The following DHRS12 variants were observed in gnomAD, a reference collection of about 807,000 sequenced individuals.
DHRS12 encodes dehydrogenase/reductase SDR family member 12.
DHRS12 carries 29 observed loss-of-function variants against 32.1 expected under a neutral mutation model. The observed-to-expected ratio is 0.90, with a 90% CI of 0.67 to 1.23. The LOEUF is 1.23. DHRS12 is among the 50% of genes most tolerant of loss of function. The pLI, the probability that DHRS12 is intolerant of heterozygous loss-of-function variation, is 0.00. For synonymous variants in DHRS12, 150 were observed against 135.9 expected (o/e 1.10, Z -0.72); for missense variants, 330 against 337.2 (o/e 0.98, Z 0.17).
rs1953831392 is a variant in DHRS12, at chr13:51,768,084, T to C, written c.*103A>G. The C allele has an allele frequency of 1.1e-5, 17 of 1,493,238 alleles. No individual in the cohort carries two copies. The highest frequency in any genetic ancestry group is 1.7e-4 in the Middle Eastern group (1 of 5,742). The allele number at this position is 1,493,238 out of a possible 1,614,324, so 92.5% of individuals were successfully genotyped here. A position where few individuals can be genotyped will look rare whatever the true frequency, so the allele number is the denominator to read the frequency against. On this transcript the variant is annotated 3_prime_UTR_variant, in exon 9 of 9. Coordinates refer to ENST00000444610, the MANE Select transcript of DHRS12 (RefSeq NM_001377533.1). The stretch of plus-strand genomic sequence containing the variant: ...GGCCTCGCTGTGAGGCACAACGTCT[T>C]CGAGGGGAAGTTGAAGTGGGGTCTT...
intron 4 of DHRS12, chr13:51,777,399 T>A: frequency 2.2e-6 from 1 of 458,762 alleles, no homozygotes; most frequent in Non-Finnish European, 3.9e-6. Context: ...AAACCGTAGA[T>A]GGGTCCACTT....
chr13:51,768,321 G>A (rs1953845298), intron 8 of DHRS12, 25 bp from the exon 9 acceptor site: 5 of 1,535,274 alleles, frequency 3.3e-6, no homozygotes, highest in East Asian at 4.9e-5. Flanking sequence ...GAACCGCAGA[G>A]AGGTGTGAGC....
intron 1 of DHRS12, among the ~76,000 whole-genome samples, chr13:51,802,344 G>A (rs963890158): frequency 6.6e-6 from 1 of 152,198 alleles, no homozygotes; most frequent in Non-Finnish European, 1.5e-5. Context: ...CCTGCCTACT[G>A]ACTCAGAAGT....
In DHRS12 at chr13:51,799,537, G is replaced by A. The variant is rs373591025; in HGVS notation, c.123C>T (p.Ser41=). 9.3e-5 allele frequency: 150 copies of A among 1,613,224 alleles called. No individual in the cohort carries two copies. The highest frequency in any genetic ancestry group is 1.5e-4 in the Admixed American group (9 of 60,006). Residue 41 remains serine, a synonymous_variant, in exon 2 of 9, where the codon AGC becomes AGT. Transcript: ENST00000444610. Reference sequence around the variant, plus strand: ...ACACGTGTTAGCAGCTGCTTACCTCGCTTGGCGATTTCAAGGGCAGTTGCT... The same window carrying A: ...ACACGTGTTAGCAGCTGCTTACCTCACTTGGCGATTTCAAGGGCAGTTGCT... ...LAKQLPLKSP[S]ENIFLHIVDL...
the DHRS12 span, chr13:51,756,450 T>C: frequency 2.5e-6 from 4 of 1,613,912 alleles, no homozygotes; most frequent in Non-Finnish European, 3.4e-6. Flanking sequence ...CACGAGGCCA[T>C]CACAGATGAA....
chr13:51,771,934 G>A (rs778610796), intron 6 of DHRS12, 23 bp from the exon 7 acceptor site: 3 of 1,612,458 alleles, frequency 1.9e-6, no homozygotes, highest in Non-Finnish European at 2.5e-6. Context: ...GAGCGAGGGG[G>A]TGAACAGGAG....
chr13:51,758,550 CT>C, the DHRS12 span, among the ~76,000 whole-genome samples: 1 of 116,226 alleles, frequency 8.6e-6, no homozygotes, highest in Non-Finnish European at 1.7e-5. Context: ...GACCTCATCT[CT>C]TAAAAAAAAA....
At chr13:51,792,861 C>T (rs1385981247) in intron 2 of DHRS12, among the ~76,000 whole-genome samples, 2 of 151,446 alleles carry the variant, frequency 1.3e-5, no homozygotes, top group African/African-American at 2.4e-5. Context: ...ATGAATCCAC[C>T]CTATTCGTTT....
At chr13:51,801,000 T>G (rs1294744096) in intron 1 of DHRS12, among the ~76,000 whole-genome samples, 1 of 152,188 alleles carries the variant, frequency 6.6e-6, no homozygotes, top group African/African-American at 2.4e-5. Flanking sequence ...AACCTGGGTT[T>G]AAGTCACAGC....
chr13:51,788,535 G>A (rs1043126669), intron 4 of DHRS12, among the ~76,000 whole-genome samples: 52 of 152,070 alleles, frequency 3.4e-4, no homozygotes, highest in African/African-American at 1.2e-3. Flanking sequence ...CTGCCAGGGA[G>A]ATGGAGCACG....
At chr13:51,762,071 C>T in the DHRS12 span, 2 of 152,204 alleles carry the variant, frequency 1.3e-5, no homozygotes, top group African/African-American at 4.8e-5. Flanking sequence ...GCTGCAGCCA[C>T]TTACTAAGTT....
At chr13:51,765,867 CCTTTA>C (rs1245077768), downstream of DHRS12, 1 of 152,112 alleles carries the variant, frequency 6.6e-6, no homozygotes. Flanking sequence ...AAAATGTTTA[CCTTTA>C]CAAGTCAAGA....
the DHRS12 span, chr13:51,755,536 C>T: frequency 7.0e-7 from 1 of 1,421,836 alleles, no homozygotes; most frequent in Non-Finnish European, 9.9e-7. Flanking sequence ...AGAAATAACA[C>T]CCCTGGGTGG....
chr13:51,757,829 G>C, the DHRS12 span, among the ~76,000 whole-genome samples: 2 of 146,324 alleles, frequency 1.4e-5, no homozygotes, highest in Non-Finnish European at 3.0e-5. Flanking sequence ...GTACTATCTT[G>C]GTCCTTTTTT....
chr13:51,759,835 A>C, the DHRS12 span: 1 of 1,511,972 alleles, frequency 6.6e-7, no homozygotes, highest in African/African-American at 1.4e-5. Flanking sequence ...CCAAATCATT[A>C]CCAGAGTGGT....
chr13:51,802,390 C>A (rs150478902), intron 1 of DHRS12, among the ~76,000 whole-genome samples: 28 of 152,300 alleles, frequency 1.8e-4, no homozygotes, highest in African/African-American at 6.0e-4. Context: ...TGTGCCTTGC[C>A]AGTGATTTTG....
intron 3 of DHRS12, among the ~76,000 whole-genome samples, chr13:51,790,895 C>A (rs555642547): frequency 8.6e-4 from 131 of 152,258 alleles, no homozygotes; most frequent in African/African-American, 2.6e-3. Flanking sequence ...AATTTATATA[C>A]AAATCATCAT....
intron 2 of DHRS12, among the ~76,000 whole-genome samples, chr13:51,792,427 C>G (rs757813168): frequency 1.3e-5 from 2 of 151,814 alleles, no homozygotes; most frequent in African/African-American, 4.8e-5. Flanking sequence ...AAGAGTGCCA[C>G]TGCACTCTGT....
At chr13:51,787,136 T>C (rs1276682232) in intron 4 of DHRS12, among the ~76,000 whole-genome samples, 1 of 152,166 alleles carries the variant, frequency 6.6e-6, no homozygotes, top group Non-Finnish European at 1.5e-5. Flanking sequence ...CCGAGAATTA[T>C]TACGCTTCTC....
Sources: allele counts gnomAD v4.1 joint callset (sites outside exome capture counted in the v4.1 genomes callset), GRCh38; gene constraint gnomAD v4.1.1; transcripts MANE v1.5; gene names NCBI Gene and HGNC (gene_info 2026-07-23, HGNC 2026-07-21).